The following ADAM15 variants were observed in gnomAD, a reference collection of about 807,000 sequenced individuals.
ADAM15 encodes disintegrin and metalloproteinase domain-containing protein 15.
A neutral mutation model predicts 113.8 loss-of-function variants in ADAM15; 77 were observed. The ratio of observed to expected loss-of-function variants is 0.68; its 90% CI spans 0.56 to 0.82. The LOEUF (loss-of-function observed/expected upper bound fraction) is 0.82. ADAM15 is among the 40% of genes least tolerant of loss of function. The pLI is 0.00. For missense variants in ADAM15, 963 were observed against 1,120.1 expected (o/e 0.86, Z 2.00); for synonymous variants, 388 against 454.1 (o/e 0.85, Z 1.85).
rs767938813 is a variant in ADAM15 at position 155,062,491 on chromosome 1, C to G, written c.2581C>G (p.Leu861Val). The change falls in exon 23 of 23, where the codon CTC (leucine) becomes GTC (valine). Residue 861 changes from leucine to valine, a missense_variant. Coordinates refer to ENST00000356955, the MANE Select transcript of ADAM15 (RefSeq NM_207197.3). This position sits in a 1 kb window ranked among gnomAD's most constrained non-coding sequence, Gnocchi z 7.0. Reference protein sequence around the residue: ...PAPPPPTVSSLYL With the variant: ...PAPPPPTVSSVYL ...GCCACCGCCTCCGACAGTGTCCTCG[C>G]TCTACCTCTGACCTCTCCGGAGGTT... 6.2e-7 allele frequency: 1 copy of G among 1,613,454 alleles called. No homozygotes were observed. Among genetic ancestry groups the G allele is most frequent in the Non-Finnish European group, 8.5e-7 (1 of 1,179,966 alleles).
chr1:155,062,188 G>T lies in ADAM15; in HGVS notation c.2425-57G>T. ...GTGTTCCCCAGCACCAGTGCGTTGG[G>T]GGTGGGCAACATGACACCCCCCCAC... On this transcript the variant is annotated intron_variant, in intron 21 of 22. Transcript: ENST00000356955. The surrounding 1 kb of genome is among the most constrained non-coding windows in gnomAD (Gnocchi z 7.0). The T allele has an allele frequency of 6.9e-7, 1 of 1,446,474 alleles. No homozygotes were observed. Among genetic ancestry groups the T allele is most frequent in the South Asian group, 1.5e-5 (1 of 68,330 alleles). 89.6% of individuals were successfully genotyped at this position (1,446,474 alleles called of 1,614,324 possible).
At position 155,057,632 on chromosome 1, in the gene ADAM15, C is replaced by T. The variant is rs370275878; in HGVS notation, c.1324-5C>T. ...GATGCCCGGCCCCCGTGCTCCTGCC[C>T]ACAGGACTGCGTCGATCCCTGCTGT... On this transcript the variant is annotated splice_region_variant and splice_polypyrimidine_tract_variant and intron_variant, in intron 12 of 22. Coordinates refer to ENST00000356955, the MANE Select transcript of ADAM15 (RefSeq NM_207197.3). The surrounding 1 kb of genome is among the most constrained non-coding windows in gnomAD (Gnocchi z 5.0). The T allele has an allele frequency of 1.9e-6, 3 of 1,614,170 alleles. No homozygotes were observed. Among genetic ancestry groups the T allele is most frequent in the African/African-American group, 1.3e-5 (1 of 75,052 alleles).
At chr1:155,053,010 C>A (rs1661284198) in intron 2 of ADAM15, among the ~76,000 whole-genome samples, 1 of 152,114 alleles carries the variant, frequency 6.6e-6, no homozygotes, top group African/African-American at 2.4e-5. Flanking sequence ...ACCCATCCAT[C>A]TCCACTGGGG....
rs1660972815 is a variant in ADAM15, at chr1:155,051,323, CCGGCCGCTCCTCCGCG to C, written c.-61_-46del. ...TGGGTTCTCCGAGGCGACCTGGCCG[CCGGCCGCTCCTCCGCG>C]CGCTGTTCCGCACTTGCTGCCCTCG... On this transcript the variant is annotated 5_prime_UTR_variant, in exon 1 of 23. Transcript: ENST00000356955. 1 of 1,274,248 alleles carries C rather than the reference CCGGCCGCTCCTCCGCG, an allele frequency of 7.8e-7. No homozygotes were observed. Among genetic ancestry groups the C allele is most frequent in the Non-Finnish European group, 1.0e-6 (1 of 992,676 alleles). 78.9% of individuals were successfully genotyped at this position (1,274,248 alleles called of 1,614,324 possible).
Position 155,058,539 on chromosome 1 carries a change from G to A in ADAM15, c.1917+98G>A. 1 of 1,553,704 alleles carries A rather than the reference G, an allele frequency of 6.4e-7. No individual in the cohort carries two copies. Among genetic ancestry groups the A allele is most frequent in the Non-Finnish European group, 8.7e-7 (1 of 1,152,036 alleles). On this transcript the variant is annotated intron_variant, in intron 15 of 22. Transcript: ENST00000356955. This position sits in a 1 kb window ranked among gnomAD's most constrained non-coding sequence, Gnocchi z 4.3. ...CACCATTCACCAATGTCAAAGGCAG[G>A]GACTCCAAGGGAAGTCAGTTTCTTA...
At position 155,051,419 on chromosome 1, in the gene ADAM15, C is replaced by T. The variant is rs1481763411; in HGVS notation, c.33C>T (p.Leu11=). 1.9e-6 allele frequency: 3 copies of T among 1,564,108 alleles called. No individual in the cohort carries two copies. The highest frequency in any genetic ancestry group is 1.4e-5 in the African/African-American group (1 of 71,666). MRLALLWALG[L]LGAGSPLPSW... is the part of the protein sequence containing the mutation. ...TGGCGCTGCTCTGGGCCCTGGGGCT[C>T]CTGGGCGCGGGCAGCCCTCTGCCTT... The change falls in exon 1 of 23, where the codon CTC becomes CTT. Residue 11 remains leucine (L), a synonymous_variant. Coordinates refer to ENST00000356955, the MANE Select transcript of ADAM15 (RefSeq NM_207197.3).
At chr1:155,052,345 G>A in intron 1 of ADAM15, 2 of 693,314 alleles carry the variant, frequency 2.9e-6, no homozygotes, top group East Asian at 2.7e-5. Flanking sequence ...GAAGTGGGGG[G>A]AGAGTGATTG....
At position 155,058,898 on chromosome 1, in the gene ADAM15, C is replaced by G. The variant is rs563912422; in HGVS notation, c.1995+111C>G. 1 of 1,381,196 alleles carries G rather than the reference C, an allele frequency of 7.2e-7. No individual in the cohort carries two copies. The highest frequency in any genetic ancestry group is 1.5e-5 in the South Asian group (1 of 66,680). The allele number at this position is 1,381,196 out of a possible 1,614,324, so 85.6% of individuals were successfully genotyped here. On this transcript the variant is annotated intron_variant, in intron 16 of 22. Transcript: ENST00000356955. This position sits in a 1 kb window ranked among gnomAD's most constrained non-coding sequence, Gnocchi z 4.3. Reference sequence around the variant, plus strand: ...GGTTTTAATCCTTGCTCTACTACTTCCCAGTTGTGTGACCTCGGGCAGGTT... The same window carrying G: ...GGTTTTAATCCTTGCTCTACTACTTGCCAGTTGTGTGACCTCGGGCAGGTT...
chr1:155,058,610 C>T lies in ADAM15; in HGVS notation c.1918-100C>T. ...TATCAACTCACTATGCCTTGGTTTC[C>T]CCATCTGTAAACGCAGGGTATGGCC... On this transcript the variant is annotated intron_variant, in intron 15 of 22. Coordinates refer to ENST00000356955, the MANE Select transcript of ADAM15 (RefSeq NM_207197.3). The surrounding 1 kb of genome is among the most constrained non-coding windows in gnomAD (Gnocchi z 4.3). The T allele has an allele frequency of 1.3e-6, 2 of 1,556,672 alleles. No homozygotes were observed.
At position 155,054,406 on chromosome 1, in the gene ADAM15, A is replaced by T; in HGVS notation, c.512A>T (p.Asp171Val). Reference protein sequence around the residue: ...QGPPIISRIQDLHLPGHTCAL... With the variant: ...QGPPIISRIQVLHLPGHTCAL... ...CCTCCCATTATTTCGCGAATCCAAGATCTCCACCTGCCAGGCCACACCTGT... is the reference window on the plus strand; with the variant it reads ...CCTCCCATTATTTCGCGAATCCAAGTTCTCCACCTGCCAGGCCACACCTGT... The change falls in exon 6 of 23, where the codon GAT becomes GTT. Residue 171 changes from aspartate (D) to valine (V), a missense_variant. Coordinates refer to ENST00000356955, the MANE Select transcript of ADAM15 (RefSeq NM_207197.3). 6.2e-7 allele frequency: 1 copy of T among 1,613,876 alleles called. No individual in the cohort carries two copies. The highest frequency in any genetic ancestry group is 8.5e-7 in the Non-Finnish European group (1 of 1,179,934).
In ADAM15 at chr1:155,056,946, A is replaced by G. The variant is rs1212930079; in HGVS notation, c.1000-7A>G. On this transcript the variant is annotated splice_region_variant and splice_polypyrimidine_tract_variant and intron_variant, in intron 10 of 22. Coordinates refer to ENST00000356955, the MANE Select transcript of ADAM15 (RefSeq NM_207197.3). This position sits in a 1 kb window ranked among gnomAD's most constrained non-coding sequence, Gnocchi z 4.0. ...ACTGGACCTACAGTACCCCTCCCCA[A>G]TGACAGGACCACTCCACCAGCATCC... is the stretch of plus-strand genomic sequence containing the variant. The G allele has an allele frequency of 4.5e-6, 7 of 1,545,404 alleles. No homozygotes were observed. The highest frequency in any genetic ancestry group is 6.1e-6 in the Non-Finnish European group (7 of 1,145,814).
chr1:155,052,933 C>T (rs951250047), intron 2 of ADAM15, among the ~76,000 whole-genome samples, 156 bp downstream of exon 2: 4 of 152,224 alleles, frequency 2.6e-5, no homozygotes, highest in Admixed American at 6.5e-5. Flanking sequence ...CACACCCCAG[C>T]ACCTGGCTTC....
intron 6 of ADAM15, chr1:155,055,572 C>G: frequency 3.4e-6 from 2 of 584,202 alleles, no homozygotes; most frequent in Non-Finnish European, 6.1e-6. Context: ...GAGTTTGGAG[C>G]CAGAAAAGCA....
intron 16 of ADAM15, among the ~76,000 whole-genome samples, chr1:155,059,197 C>T (rs181806359): frequency 2.0e-5 from 3 of 152,084 alleles, no homozygotes; most frequent in African/African-American, 7.2e-5. Context: ...CCTCCCTACT[C>T]GCTGGGATTA....
At position 155,062,022 on chromosome 1, in the gene ADAM15, G is replaced by T. The variant is rs774149207; in HGVS notation, c.2424+47G>T. 1.2e-5 allele frequency: 18 copies of T among 1,499,484 alleles called. No individual in the cohort carries two copies. In the East Asian group the frequency reaches 1.4e-4, roughly 12 times the overall value. 92.9% of individuals were successfully genotyped at this position (1,499,484 alleles called of 1,614,324 possible). A position where few individuals can be genotyped will look rare whatever the true frequency, so the allele number is the denominator to read the frequency against. ...GGCACGGCCTCTCCCCCCACCTAGGGCTGTGGTGCTGGTAGCCATGACGGT... is the reference window on the plus strand; with the variant it reads ...GGCACGGCCTCTCCCCCCACCTAGGTCTGTGGTGCTGGTAGCCATGACGGT... On this transcript the variant is annotated intron_variant, in intron 21 of 22. Coordinates refer to ENST00000356955, the MANE Select transcript of ADAM15 (RefSeq NM_207197.3). This position sits in a 1 kb window ranked among gnomAD's most constrained non-coding sequence, Gnocchi z 7.0.
rs1661748783 is a variant in ADAM15 at position 155,056,281 on chromosome 1, G to A, written c.914+32G>A. The A allele has an allele frequency of 6.2e-7, 1 of 1,613,020 alleles. No homozygotes were observed. The highest frequency in any genetic ancestry group is 1.1e-5 in the South Asian group (1 of 91,044). ...GCCCCAGACTCAGCCAGAGAGGCCAGTCCTGTCCTGGCCAAATTCACACCC... is the reference window on the plus strand; with the variant it reads ...GCCCCAGACTCAGCCAGAGAGGCCAATCCTGTCCTGGCCAAATTCACACCC... On this transcript the variant is annotated intron_variant, in intron 9 of 22. Coordinates refer to ENST00000356955, the MANE Select transcript of ADAM15 (RefSeq NM_207197.3). This position sits in a 1 kb window ranked among gnomAD's most constrained non-coding sequence, Gnocchi z 4.0.
At position 155,060,017 on chromosome 1, in the gene ADAM15, C is replaced by T. The variant is rs1201252072; in HGVS notation, c.2068+43C>T. 5.0e-6 allele frequency: 8 copies of T among 1,608,014 alleles called. No individual in the cohort carries two copies. The East Asian group carries it at 6.7e-5, about 13-fold the overall frequency. On this transcript the variant is annotated intron_variant, in intron 17 of 22. Coordinates refer to ENST00000356955, the MANE Select transcript of ADAM15 (RefSeq NM_207197.3). ...GACAGGGGCAGCTGGGAGGGCAAAGCGTCTCATGCTTTATCTTGCCCCCTC... is the reference window on the plus strand; with the variant it reads ...GACAGGGGCAGCTGGGAGGGCAAAGTGTCTCATGCTTTATCTTGCCCCCTC...
chr1:155,057,367 G>T lies in ADAM15; in HGVS notation c.1323+5G>T. 6.2e-7 allele frequency: 1 copy of T among 1,614,036 alleles called. No individual in the cohort carries two copies. The highest frequency in any genetic ancestry group is 1.1e-5 in the South Asian group (1 of 91,090). ...TGTGACTGTGGCTTCCTGGATGTGA[G>T]CCCCTTTCCCAAAGCCTCGCCCCAC... On this transcript the variant is annotated splice_donor_5th_base_variant and intron_variant, in intron 12 of 22. Coordinates refer to ENST00000356955, the MANE Select transcript of ADAM15 (RefSeq NM_207197.3). This position sits in a 1 kb window ranked among gnomAD's most constrained non-coding sequence, Gnocchi z 5.0.
At position 155,056,398 on chromosome 1, in the gene ADAM15, C is replaced by T; in HGVS notation, c.927C>T (p.Phe309=). The change falls in exon 10 of 23, where the codon TTC becomes TTT. Residue 309 remains phenylalanine (F), a synonymous_variant. Coordinates refer to ENST00000356955, the MANE Select transcript of ADAM15 (RefSeq NM_207197.3). The surrounding 1 kb of genome is among the most constrained non-coding windows in gnomAD (Gnocchi z 4.0). ...CTCTGTCCCACAGTGGTACTTCATT[C>T]TCTGGGCCTACGGTGGGCATGGCCA... is the stretch of plus-strand genomic sequence containing the variant. ...DSAQLVTGTS[F]SGPTVGMAIQ... 5 of 1,614,158 alleles carry T rather than the reference C, an allele frequency of 3.1e-6. No individual in the cohort carries two copies. Among genetic ancestry groups the T allele is most frequent in the Non-Finnish European group, 4.2e-6 (5 of 1,180,022 alleles).
Sources: allele counts gnomAD v4.1 joint callset (sites outside exome capture counted in the v4.1 genomes callset), GRCh38; gene constraint gnomAD v4.1.1; non-coding constraint Gnocchi (gnomAD v3.1); transcripts MANE v1.5; gene names NCBI Gene and HGNC (gene_info 2026-07-23, HGNC 2026-07-21).